The following TTC28 variants were observed in gnomAD, a reference collection of about 807,000 sequenced individuals.
The protein encoded by TTC28 is tetratricopeptide repeat domain 28.
Under a neutral mutation model 198.0 loss-of-function variants are expected in TTC28, and 61 were observed. That is an observed-to-expected ratio of 0.31 (90% confidence interval 0.25 to 0.38). The LOEUF (loss-of-function observed/expected upper bound fraction) is 0.38. Among genes scored for constraint, TTC28 ranks in the 10% least tolerant of loss-of-function variants. The probability of loss-of-function intolerance (pLI) is 1.00; values close to 1 mark genes in which losing one functional copy is unlikely to be tolerated. For synonymous variants in TTC28, 1,171 were observed against 1,297.8 expected (o/e 0.90, Z 2.10); for missense variants, 2,678 against 3,164.0 (o/e 0.85, Z 3.69).
chr22:28,277,948 G>A (rs2044502965), intron 5 of TTC28, among the ~76,000 whole-genome samples: 4 of 152,062 alleles, frequency 2.6e-5, no homozygotes, highest in Admixed American at 2.6e-4. Context: ...CACACTCTTA[G>A]CCTTACAGAT....
At chr22:28,401,545 G>T (rs1312227800) in intron 2 of TTC28, among the ~76,000 whole-genome samples, 2 of 152,100 alleles carry the variant, frequency 1.3e-5, no homozygotes, top group Non-Finnish European at 1.5e-5. Flanking sequence ...AACCCAGGAG[G>T]TGGAAGTTGC....
intron 2 of TTC28, among the ~76,000 whole-genome samples, chr22:28,314,271 A>C (rs1034902205): frequency 6.6e-6 from 1 of 152,236 alleles, no homozygotes; most frequent in Non-Finnish European, 1.5e-5. Flanking sequence ...CAATATTGTG[A>C]AAATGGCCTT....
At chr22:28,400,544 T>C (rs2046890883) in intron 2 of TTC28, among the ~76,000 whole-genome samples, 1 of 152,210 alleles carries the variant, frequency 6.6e-6, no homozygotes, top group Non-Finnish European at 1.5e-5. Flanking sequence ...GTAGTAGCAG[T>C]GGCAACAGTA....
In TTC28 at chr22:28,057,466, C is replaced by T. The variant is rs1040005989; in HGVS notation, c.3933-27100G>A. 3.9e-5 allele frequency among the ~76,000 whole-genome samples: 6 copies of T among 152,164 alleles called. No individual in the cohort carries two copies. In the South Asian group the frequency reaches 6.2e-4, roughly 16 times the overall value. On this transcript the variant is annotated intron_variant, in intron 12 of 22. Coordinates refer to ENST00000397906, the MANE Select transcript of TTC28 (RefSeq NM_001145418.2). The stretch of plus-strand genomic sequence containing the variant: ...TCAAGTGTTTGTTTAAATCTTTCCA[C>T]GTTTTAAATTGGATTATTCTATTAA...
At chr22:28,286,547 T>G (rs1233437392) in intron 5 of TTC28, among the ~76,000 whole-genome samples, 3 of 152,214 alleles carry the variant, frequency 2.0e-5, no homozygotes, top group Non-Finnish European at 4.4e-5. Context: ...GAAGTATAAA[T>G]CTACGAGAAT....
chr22:28,489,052 G>C (rs2048343938), intron 2 of TTC28, among the ~76,000 whole-genome samples: 2 of 152,132 alleles, frequency 1.3e-5, no homozygotes, highest in African/African-American at 4.8e-5. Flanking sequence ...CAGAGGCTGG[G>C]GGGAAAGGAA....
At chr22:28,503,316 T>C (rs1294615746) in intron 2 of TTC28, among the ~76,000 whole-genome samples, 1 of 152,224 alleles carries the variant, frequency 6.6e-6, no homozygotes, top group Non-Finnish European at 1.5e-5. Context: ...CCACTTACCA[T>C]ACTGTAATTA....
At chr22:28,476,294 T>C (rs1269956320) in intron 2 of TTC28, among the ~76,000 whole-genome samples, 2 of 152,224 alleles carry the variant, frequency 1.3e-5, no homozygotes, top group Non-Finnish European at 2.9e-5. Context: ...CATGTAATTA[T>C]AGTTCATTCA....
chr22:27,997,569 T>C (rs913275630), intron 16 of TTC28: 1 of 152,222 alleles, frequency 6.6e-6, no homozygotes, highest in Non-Finnish European at 1.5e-5. Flanking sequence ...AATAGGATTT[T>C]TGGTGTTCCT....
chr22:28,025,777 G>A (rs1938806634), intron 13 of TTC28, among the ~76,000 whole-genome samples: 1 of 152,204 alleles, frequency 6.6e-6, no homozygotes, highest in Non-Finnish European at 1.5e-5. Flanking sequence ...GGCTGAGGCA[G>A]GAGGATCACT....
At chr22:28,324,288 C>CA in intron 2 of TTC28, among the ~76,000 whole-genome samples, 1 of 151,938 alleles carries the variant, frequency 6.6e-6, no homozygotes, top group East Asian at 1.9e-4. Flanking sequence ...CCTGTCTCTG[C>CA]AAAAAATTCT....
At chr22:27,987,603 C>A (rs1175789620) in intron 21 of TTC28, among the ~76,000 whole-genome samples, 1 of 152,128 alleles carries the variant, frequency 6.6e-6, no homozygotes, top group Non-Finnish European at 1.5e-5. Context: ...GTGGGTGGTG[C>A]ATGCCTCAAG....
intron 3 of TTC28, among the ~76,000 whole-genome samples, chr22:28,299,088 A>G (rs184438833): frequency 5.3e-5 from 8 of 152,318 alleles, no homozygotes; most frequent in Non-Finnish European, 1.2e-4. Flanking sequence ...TTGAACGTAG[A>G]TAACCTCCAA....
chr22:28,538,322 A>C (rs1219651750), intron 2 of TTC28, among the ~76,000 whole-genome samples: 2 of 152,068 alleles, frequency 1.3e-5, no homozygotes, highest in Non-Finnish European at 2.9e-5. Flanking sequence ...TCCTTGACTC[A>C]AGTGGTCCTA....
Position 28,373,232 on chromosome 22 carries a change from T to C in TTC28, c.382-66589A>G, listed in dbSNP as rs185226752. Among the ~76,000 whole-genome samples, 308 of 152,194 alleles carry C rather than the reference T, an allele frequency of 2.0e-3. 2 individuals carry two copies. The highest frequency in any genetic ancestry group is 6.4e-3 in the African/African-American group (266 of 41,548). On this transcript the variant is annotated intron_variant, in intron 2 of 22. Coordinates refer to ENST00000397906, the MANE Select transcript of TTC28 (RefSeq NM_001145418.2). Reference sequence around the variant, plus strand: ...GAGGAGATAAAAATATAAGGAAGGTTTTATTCCTGTTTTACAAATGTTGAA... The same window carrying C: ...GAGGAGATAAAAATATAAGGAAGGTCTTATTCCTGTTTTACAAATGTTGAA...
intron 1 of TTC28, among the ~76,000 whole-genome samples, chr22:28,674,777 C>G (rs2051952816): frequency 6.8e-6 from 1 of 148,076 alleles, no homozygotes; most frequent in Non-Finnish European, 1.5e-5. Flanking sequence ...CAAGATCACA[C>G]CACTGCACTC....
At position 28,012,048 on chromosome 22, in the gene TTC28, G is replaced by A. The variant is rs1439508114; in HGVS notation, c.4218+2200C>T. ...GAGTCCAAATAACCTTCAGAGGAGC[G>A]GGGATCCCTGGGAAATGCAGGCCTC... On this transcript the variant is annotated intron_variant, in intron 14 of 22. Coordinates refer to ENST00000397906, the MANE Select transcript of TTC28 (RefSeq NM_001145418.2). 3.3e-5 allele frequency among the ~76,000 whole-genome samples: 5 copies of A among 152,332 alleles called. No homozygotes were observed. The South Asian group carries it at 6.2e-4, about 19-fold the overall frequency.
At chr22:28,049,957 C>G (rs1248657527) in intron 12 of TTC28, among the ~76,000 whole-genome samples, 3 of 152,038 alleles carry the variant, frequency 2.0e-5, no homozygotes, top group Admixed American at 2.0e-4. Context: ...CAGTTCTAAA[C>G]CTAAAGGGCA....
chr22:28,633,068 T>A (rs1465561065), intron 1 of TTC28, among the ~76,000 whole-genome samples: 1 of 150,968 alleles, frequency 6.6e-6, no homozygotes, highest in African/African-American at 2.4e-5. Context: ...TCACCTGAGG[T>A]CAGGAATTTG....
Sources: gnomAD v4.1 joint callset for allele counts (sites outside exome capture counted in the v4.1 genomes callset) on GRCh38, gnomAD v4.1.1 for gene constraint, MANE v1.5 for transcripts, NCBI Gene and HGNC (gene_info 2026-07-23, HGNC 2026-07-21) for gene names.